DCDC1: variants seen among roughly 807,000 people sequenced by gnomAD.
DCDC1 encodes doublecortin domain-containing protein 1.
Under a neutral mutation model 178.3 loss-of-function variants are expected in DCDC1, and 200 were observed. That is an observed-to-expected ratio of 1.12 (90% CI 1.00 to 1.26). DCDC1 has a LOEUF of 1.26. Among genes scored for constraint, DCDC1 ranks in the 50% most tolerant of loss-of-function variants. DCDC1 has a pLI of 0.00. For synonymous variants in DCDC1, 690 were observed against 604.8 expected, an observed-to-expected ratio of 1.14 and a Z score of -2.07; for missense variants, 1,983 against 1,749.2, an observed-to-expected ratio of 1.13 and a Z score of -2.38.
At chr11:31,080,217 A>T (rs1957093845) in intron 17 of DCDC1, among the ~76,000 whole-genome samples, 1 of 152,182 alleles carries the variant, frequency 6.6e-6, no homozygotes, top group Non-Finnish European at 1.5e-5. Flanking sequence ...GAAAAAACAG[A>T]CTGTGAGAAT....
At chr11:31,021,558 A>C (rs1334175533) in intron 20 of DCDC1, among the ~76,000 whole-genome samples, 1 of 152,204 alleles carries the variant, frequency 6.6e-6, no homozygotes, top group East Asian at 1.9e-4. Context: ...CATTAAAAAA[A>C]TCTCTGCAAA....
Position 30,992,091 on chromosome 11 carries a change from C to T in DCDC1, c.2592-39523G>A, listed in dbSNP as rs576759182. Among the ~76,000 whole-genome samples the T allele has an allele frequency of 5.9e-5, 9 of 152,282 alleles. No individual in the cohort carries two copies. In the South Asian group the frequency reaches 1.4e-3, roughly 25 times the overall value. On this transcript the variant is annotated intron_variant, in intron 20 of 38. Coordinates refer to ENST00000684477, the MANE Select transcript of DCDC1 (RefSeq NM_001387274.1). ...CAAATAAAGTACAATGTAAAATGCA[C>T]TGTCTTAAGGTACCTTAAGAAAAAC...
intron 7 of DCDC1, among the ~76,000 whole-genome samples, chr11:31,273,910 T>C (rs1225199715): frequency 6.6e-6 from 1 of 152,164 alleles, no homozygotes; most frequent in Non-Finnish European, 1.5e-5. Context: ...AGAGAGCTTG[T>C]GCAGGGAAAC....
At chr11:31,345,894 A>G (rs1241552207) in intron 1 of DCDC1, among the ~76,000 whole-genome samples, 1 of 152,232 alleles carries the variant, frequency 6.6e-6, no homozygotes, top group Non-Finnish European at 1.5e-5. Context: ...ATGGACCCAG[A>G]TAATGTTTGT....
At chr11:31,004,668 T>G (rs1427810782) in intron 20 of DCDC1, among the ~76,000 whole-genome samples, 6 of 126,064 alleles carry the variant, frequency 4.8e-5, no homozygotes, top group East Asian at 2.2e-4. Flanking sequence ...GGTGACAGAG[T>G]GACACTCTGT....
intron 20 of DCDC1, among the ~76,000 whole-genome samples, chr11:31,039,169 T>A (rs1954274665): frequency 6.6e-6 from 1 of 152,188 alleles, no homozygotes; most frequent in Non-Finnish European, 1.5e-5. Context: ...AGGTAATGTA[T>A]GCTGTAGGGT....
chr11:30,917,668 T>A (rs1590355752), intron 25 of DCDC1, among the ~76,000 whole-genome samples: 1 of 152,204 alleles, frequency 6.6e-6, no homozygotes, highest in Admixed American at 6.5e-5. Context: ...GATCTGTATA[T>A]ATAAAGTTCC....
chr11:30,939,750 A>G (rs1947510826), intron 21 of DCDC1, among the ~76,000 whole-genome samples: 1 of 152,144 alleles, frequency 6.6e-6, no homozygotes, highest in Admixed American at 6.6e-5. Flanking sequence ...AGTTTGTTAC[A>G]TTTGCAGGCT....
At chr11:31,031,418 A>C (rs1302158949) in intron 20 of DCDC1, among the ~76,000 whole-genome samples, 1 of 152,152 alleles carries the variant, frequency 6.6e-6, no homozygotes. Context: ...GAATTAACAC[A>C]GTCTAATTTT....
intron 25 of DCDC1, 98 bp from the exon 26 acceptor site, chr11:30,917,126 TG>T (rs1945902165): frequency 8.4e-7 from 1 of 1,191,938 alleles, no homozygotes; most frequent in African/African-American, 1.5e-5. Flanking sequence ...CACAGGATGT[TG>T]GTGGATCTAT....
At chr11:31,360,403 C>T (rs1051444576) in intron 1 of DCDC1, among the ~76,000 whole-genome samples, 6 of 152,130 alleles carry the variant, frequency 3.9e-5, no homozygotes, top group African/African-American at 1.4e-4. Context: ...GATCCAAGAA[C>T]CCCCAGTGGA....
intron 9 of DCDC1, among the ~76,000 whole-genome samples, chr11:31,202,300 C>T (rs765222054): frequency 2.6e-5 from 4 of 152,038 alleles, no homozygotes; most frequent in Non-Finnish European, 4.4e-5. Flanking sequence ...CAATGGCTCA[C>T]GCCTGTAATC....
chr11:31,063,944 T>C (rs1192311077), intron 20 of DCDC1, among the ~76,000 whole-genome samples: 2 of 152,080 alleles, frequency 1.3e-5, no homozygotes, highest in African/African-American at 2.4e-5. Flanking sequence ...ATCAGAGAAA[T>C]TGTGTCCATT....
In DCDC1 at chr11:30,906,854, A is replaced by C; in HGVS notation, c.3919-129T>G. 1.0e-5 allele frequency: 9 copies of C among 885,034 alleles called. 1 individual carries two copies. Among genetic ancestry groups the C allele is most frequent in the Non-Finnish European group, 1.4e-5 (9 of 646,660 alleles). The allele number at this position is 885,034 out of a possible 1,614,324, so 54.8% of individuals were successfully genotyped here. On this transcript the variant is annotated intron_variant, in intron 29 of 38. Coordinates refer to ENST00000684477, the MANE Select transcript of DCDC1 (RefSeq NM_001387274.1). ...AATGCTAAATTTAAATTTTATGCTA[A>C]ATTTAAATTTAGCATAAATTTAGCC... is the stretch of plus-strand genomic sequence containing the variant.
intron 18 of DCDC1, among the ~76,000 whole-genome samples, chr11:31,071,227 C>A (rs902938936): frequency 1.3e-5 from 2 of 152,098 alleles, no homozygotes; most frequent in Non-Finnish European, 2.9e-5. Flanking sequence ...ATTTGTGATG[C>A]CAACATTTGG....
Position 31,005,952 on chromosome 11 carries a change from G to GAA in DCDC1, c.2592-53386_2592-53385dup, listed in dbSNP as rs35225668. ...CAACAGGCATATAGCTCTTATTCCT[G>GAA]AAAAAAAAAAAAAAAAAAAAAAAAA... On this transcript the variant is annotated intron_variant, in intron 20 of 38. Coordinates refer to ENST00000684477, the MANE Select transcript of DCDC1 (RefSeq NM_001387274.1). Among the ~76,000 whole-genome samples, 139 of 47,786 alleles carry GAA rather than the reference G, an allele frequency of 2.9e-3. 5 individuals are homozygous for GAA. The highest frequency in any genetic ancestry group is 5.6e-3 in the African/African-American group (72 of 12,748). The allele number at this position is 47,786 out of a possible 152,430, so 31.3% of individuals were successfully genotyped here.
chr11:31,275,789 A>G (rs1945943571), intron 7 of DCDC1, among the ~76,000 whole-genome samples: 3 of 152,126 alleles, frequency 2.0e-5, no homozygotes. Context: ...CCAGTCTACA[A>G]TTATCTTGAT....
At chr11:31,185,587 A>G (rs1259722554) in intron 9 of DCDC1, among the ~76,000 whole-genome samples, 1 of 152,204 alleles carries the variant, frequency 6.6e-6, no homozygotes, top group African/African-American at 2.4e-5. Context: ...AGAAGGTTTT[A>G]GACTCACTGT....
intron 38 of DCDC1, among the ~76,000 whole-genome samples, chr11:30,868,190 T>C (rs530563129): frequency 2.0e-5 from 3 of 150,778 alleles, no homozygotes; most frequent in African/African-American, 7.3e-5. Flanking sequence ...AATGGTGCTA[T>C]AACTGCAATT....
Sources: allele counts gnomAD v4.1 joint callset (sites outside exome capture counted in the v4.1 genomes callset), GRCh38; gene constraint gnomAD v4.1.1; transcripts MANE v1.5; gene names NCBI Gene and HGNC (gene_info 2026-07-23, HGNC 2026-07-21).